Variants in DDX56 observed in about 807,000 individuals in gnomAD.
DDX56 encodes the protein DEAD-box helicase 56, also known as probable ATP-dependent RNA helicase DDX56.
DDX56 carries 45 observed loss-of-function variants against 61.5 expected under a neutral mutation model. The ratio of observed to expected loss-of-function variants is 0.73; its 90% CI spans 0.58 to 0.94. DDX56 has a LOEUF of 0.94. DDX56 is among the 40% of genes least tolerant of loss of function. DDX56 has a pLI of 0.00. For missense variants in DDX56, 708 were observed against 690.7 expected (o/e 1.02, Z -0.28); for synonymous variants, 273 against 268.3 (o/e 1.02, Z -0.17).
In DDX56 at chr7:44,566,518, G is replaced by T; in HGVS notation, c.1496C>A (p.Pro499His). 1 of 1,560,696 alleles carries T rather than the reference G, an allele frequency of 6.4e-7. No individual in the cohort carries two copies. The highest frequency in any genetic ancestry group is 2.4e-5 in the East Asian group (1 of 41,500). Residue 499 changes from proline (P) to histidine (H), a missense_variant, in exon 13 of 14, where the codon CCT becomes CAT. Coordinates refer to ENST00000258772, the MANE Select transcript of DDX56 (RefSeq NM_019082.4). Reference protein sequence around the residue: ...LGHVPDYLVPPALRGLVRPHK... With the variant: ...LGHVPDYLVPHALRGLVRPHK... ...AGGGCGCACCAGGCCACGGAGAGCAGGAGGAACTGGAAGAGATGCTTGCCT... is the reference window on the plus strand; with the variant it reads ...AGGGCGCACCAGGCCACGGAGAGCATGAGGAACTGGAAGAGATGCTTGCCT...
Position 44,566,076 on chromosome 7 carries a change from C to T in DDX56, c.1570G>A (p.Ala524Thr). The change falls in exon 14 of 14, where the codon GCA (alanine) becomes ACA (threonine). Residue 524 changes from alanine to threonine, a missense_variant. Physicochemically the swap from Ala to Thr is moderately conservative, Grantham distance 58. Coordinates refer to ENST00000258772, the MANE Select transcript of DDX56 (RefSeq NM_019082.4). ...CTGCGCAGTGGGTTCTGGGACTTTG[C>T]TCTCTAAGGAGGCAAAGTCACAGGT... ...LSSSCRKAKRAKSQNPLRSFK... is the reference protein window; with the variant it reads ...LSSSCRKAKRTKSQNPLRSFK... The T allele has an allele frequency of 1.2e-6, 2 of 1,609,462 alleles. No homozygotes were observed. Among genetic ancestry groups the T allele is most frequent in the South Asian group, 2.2e-5 (2 of 90,282 alleles).
intron 10 of DDX56, 68 bp from the exon 11 acceptor site, chr7:44,569,060 C>T: frequency 6.2e-7 from 1 of 1,611,454 alleles, no homozygotes; most frequent in Non-Finnish European, 8.5e-7. Context: ...CCTGGATGCT[C>T]AGCAAGACGG....
In DDX56 at chr7:44,573,873, C is replaced by G. The variant is rs757028782; in HGVS notation, c.23G>C (p.Gly8Ala). 32 of 1,613,304 alleles carry G rather than the reference C, an allele frequency of 2.0e-5. 2 individuals are homozygous for G. The South Asian group carries it at 3.4e-4, about 17-fold the overall frequency. The change falls in exon 1 of 14, where the codon GGC becomes GCC. Residue 8 changes from glycine to alanine, a missense_variant. Transcript: ENST00000258772. ...GGGATCGAGGCCCATGTGTTCGAAG[C>G]CCAGTGCTTCAGAGTCCTCCATGGC... is the stretch of plus-strand genomic sequence containing the variant. MEDSEAL[G>A]FEHMGLDPRL...
At chr7:44,573,118 T>A in intron 2 of DDX56, 68 bp from the exon 3 acceptor site, 1 of 1,441,608 alleles carries the variant, frequency 6.9e-7, no homozygotes, top group Non-Finnish European at 9.3e-7. Flanking sequence ...TCTCTACCCC[T>A]TCCAGCCTAC....
intron 2 of DDX56, among the ~76,000 whole-genome samples, 153 bp downstream of exon 2, chr7:44,573,430 C>A (rs976013543): frequency 1.3e-5 from 2 of 152,228 alleles, no homozygotes; most frequent in African/African-American, 4.8e-5. Context: ...GTAACCTGAA[C>A]TCCAGCCCAG....
At chr7:44,568,879 C>A (rs755747506) in intron 11 of DDX56, 24 bp downstream of exon 11, 1 of 1,589,278 alleles carries the variant, frequency 6.3e-7, no homozygotes, top group Non-Finnish European at 8.6e-7. Context: ...AGATCTATCC[C>A]CTTCTCACCT....
Position 44,568,982 on chromosome 7 carries a change from C to T in DDX56, c.1304G>A (p.Arg435His), listed in dbSNP as rs955538329. 19 of 1,613,932 alleles carry T rather than the reference C, an allele frequency of 1.2e-5. No individual in the cohort carries two copies. Among genetic ancestry groups the T allele is most frequent in the African/African-American group, 9.3e-5 (7 of 74,918 alleles). ...GFRYRCRDAMRSVTKQAIREA... is the reference protein window; with the variant it reads ...GFRYRCRDAMHSVTKQAIREA... ...CCGAATGGCCTGCTTAGTCACTGAG[C>T]GCATGGCATCCTGGGGGTGGACACT... Residue 435 changes from arginine to histidine, a missense_variant, in exon 11 of 14, where the codon CGC becomes CAC. Coordinates refer to ENST00000258772, the MANE Select transcript of DDX56 (RefSeq NM_019082.4).
At chr7:44,569,267 G>A in intron 9 of DDX56, 64 bp from the exon 10 acceptor site, 2 of 1,492,590 alleles carry the variant, frequency 1.3e-6, no homozygotes, top group East Asian at 2.3e-5. Context: ...CTTCATTGGA[G>A]GCCTCCTGCA....
At chr7:44,567,946 A>AAGTTT (rs1354472508) in intron 12 of DDX56, among the ~76,000 whole-genome samples, 172 bp downstream of exon 12, 3 of 152,200 alleles carry the variant, frequency 2.0e-5, no homozygotes, top group Non-Finnish European at 4.4e-5. Context: ...CCAAGCAAAC[A>AAGTTT]AGTTTAGAAA....
In DDX56 at chr7:44,570,109, C is replaced by A; in HGVS notation, c.1030G>T (p.Gly344Cys). Residue 344 changes from glycine (G) to cysteine (C), a missense_variant, in exon 8 of 14, where the codon GGT (glycine) becomes TGT (cysteine). Coordinates refer to ENST00000258772, the MANE Select transcript of DDX56 (RefSeq NM_019082.4). ...TGGAAGTCTATGCCCCGGGCCACAC[C>A]TGCTTCCGGATCAGAGGCCCTGCAG... ...KGDKASDPEAGVARGIDFHHV... is the reference protein window; with the variant it reads ...KGDKASDPEACVARGIDFHHV... 1.2e-6 allele frequency: 2 copies of A among 1,614,112 alleles called. No homozygotes were observed. Among genetic ancestry groups the A allele is most frequent in the Non-Finnish European group, 1.7e-6 (2 of 1,180,036 alleles).
rs765074860 is a variant in DDX56, at chr7:44,571,513, C to T, written c.869G>A (p.Gly290Glu). Reference sequence around the variant, plus strand: ...AGACCTGGAGCGCAGTGGAAGCTCTCCATTGAGCACACAGGTGGGGATGCT... The same window carrying T: ...AGACCTGGAGCGCAGTGGAAGCTCTTCATTGAGCACACAGGTGGGGATGCT... ...QFSIPTCVLN[G>E]ELPLRSRCHI... Residue 290 changes from glycine (G) to glutamate (E), a missense_variant, in exon 6 of 14, where the codon GGA becomes GAA. Gly to Glu is a moderately conservative substitution (Grantham distance 98). Transcript: ENST00000258772. The T allele has an allele frequency of 6.8e-6, 11 of 1,614,106 alleles. No homozygotes were observed. The highest frequency in any genetic ancestry group is 3.4e-6 in the Non-Finnish European group (4 of 1,180,032).
intron 6 of DDX56, among the ~76,000 whole-genome samples, 183 bp from the exon 7 acceptor site, chr7:44,571,060 CAG>C (rs1266424522): frequency 1.3e-5 from 2 of 152,124 alleles, no homozygotes; most frequent in South Asian, 2.1e-4. Context: ...TTTTTTGAGA[CAG>C]AGTTTCACTC....
At chr7:44,567,646 G>T (rs887448552) in intron 12 of DDX56, 6 of 216,700 alleles carry the variant, frequency 2.8e-5, no homozygotes, top group Non-Finnish European at 5.7e-5. Context: ...TTGCTACCTT[G>T]TCGGTTTAGG....
intron 12 of DDX56, chr7:44,567,645 T>G (rs1461843712): frequency 4.6e-6 from 1 of 217,284 alleles, no homozygotes; most frequent in African/African-American, 2.4e-5. Flanking sequence ...CTTGCTACCT[T>G]GTCGGTTTAG....
At chr7:44,572,502 A>C (rs781397451) in intron 4 of DDX56, 65 bp from the exon 5 acceptor site, 13 of 1,613,248 alleles carry the variant, frequency 8.1e-6, no homozygotes, top group Non-Finnish European at 9.3e-6. Flanking sequence ...ACTGGCTTCC[A>C]GCCACCCCGC....
chr7:44,570,806 C>T lies in DDX56; in HGVS notation c.962G>A (p.Gly321Glu), dbSNP rs752465885. ...CCGACGCTTGCCCTTGACTGGGGCC[C>T]CCAGGACTTCAGCATCAGTTGCTAT... is the stretch of plus-strand genomic sequence containing the variant. The part of the protein sequence containing the change: ...CVIATDAEVL[G>E]APVKGKRRGR... The change falls in exon 7 of 14, where the codon GGG becomes GAG. Residue 321 changes from glycine to glutamate, a missense_variant. Transcript: ENST00000258772. The T allele has an allele frequency of 5.0e-6, 8 of 1,613,842 alleles. No individual in the cohort carries two copies. Among genetic ancestry groups the T allele is most frequent in the Non-Finnish European group, 6.8e-6 (8 of 1,179,860 alleles).
intron 5 of DDX56, 96 bp downstream of exon 5, chr7:44,572,251 C>A (rs1802694296): frequency 9.6e-7 from 1 of 1,036,606 alleles, no homozygotes; most frequent in African/African-American, 1.6e-5. Flanking sequence ...GACAACTGTC[C>A]CACCCAAAAC....
At position 44,566,516 on chromosome 7, in the gene DDX56, C is replaced by G; in HGVS notation, c.1498G>C (p.Ala500Pro). The change falls in exon 13 of 14, where the codon GCT becomes CCT. Residue 500 changes from alanine (A) to proline (P), a missense_variant. Transcript: ENST00000258772. The part of the protein sequence containing the change: ...GHVPDYLVPP[A>P]LRGLVRPHKK... ...TGAGGGCGCACCAGGCCACGGAGAG[C>G]AGGAGGAACTGGAAGAGATGCTTGC... 1 of 1,561,582 alleles carries G rather than the reference C, an allele frequency of 6.4e-7. No individual in the cohort carries two copies. The highest frequency in any genetic ancestry group is 8.7e-7 in the Non-Finnish European group (1 of 1,150,998).
intron 6 of DDX56, 132 bp downstream of exon 6, chr7:44,571,360 T>C (rs1249228679): frequency 1.9e-6 from 2 of 1,058,434 alleles, no homozygotes; most frequent in Non-Finnish European, 2.7e-6. Context: ...TATTTTGGAG[T>C]TGGGAGAAGT....
Sources: gnomAD v4.1 joint callset for allele counts (sites outside exome capture counted in the v4.1 genomes callset) on GRCh38, gnomAD v4.1.1 for gene constraint, MANE v1.5 for transcripts, NCBI Gene and HGNC (gene_info 2026-07-23, HGNC 2026-07-21) for gene names.